Variants in GNG7 observed in about 807,000 individuals in gnomAD.
GNG7 encodes the protein guanine nucleotide-binding protein G(I)/G(S)/G(O) subunit gamma-7.
Under a neutral mutation model 4.0 loss-of-function variants are expected in GNG7, and 1 was observed. That is an observed-to-expected ratio of 0.25 (90% confidence interval 0.09 to 1.18). The LOEUF is 1.18. Among genes scored for constraint, GNG7 ranks in the 50% most tolerant of loss-of-function variants. The pLI is 0.50. For missense variants in GNG7, 86 were observed against 91.9 expected, an observed-to-expected ratio of 0.94 and a Z score of 0.26; for synonymous variants, 34 against 36.9, an observed-to-expected ratio of 0.92 and a Z score of 0.29.
chr19:2,586,151 CT>C (rs1225956001), intron 2 of GNG7, among the ~76,000 whole-genome samples: 1 of 152,198 alleles, frequency 6.6e-6, no homozygotes, highest in Non-Finnish European at 1.5e-5. Flanking sequence ...CCTTTGTAGA[CT>C]TGTGGAACCG....
At chr19:2,525,507 T>G (rs565620908) in intron 3 of GNG7, among the ~76,000 whole-genome samples, 32 of 151,986 alleles carry the variant, frequency 2.1e-4, no homozygotes, top group Middle Eastern at 3.4e-3. Flanking sequence ...CTCCAGGACA[T>G]AGTGGAAATC....
intron 2 of GNG7, among the ~76,000 whole-genome samples, chr19:2,568,356 CGTGCACATACACACAT>C (rs1568246964): frequency 6.7e-6 from 1 of 150,070 alleles, no homozygotes; most frequent in Non-Finnish European, 1.5e-5. Flanking sequence ...CATACACACA[CGTGCACATACACACAT>C]ATAGACACAC....
At chr19:2,690,482 G>C (rs1019397204) in intron 1 of GNG7, among the ~76,000 whole-genome samples, 3 of 152,216 alleles carry the variant, frequency 2.0e-5, no homozygotes, top group Admixed American at 2.0e-4. Flanking sequence ...AAGGGCGGTG[G>C]TTACTGACTC....
At chr19:2,654,126 A>C (rs1162129572) in intron 1 of GNG7, among the ~76,000 whole-genome samples, 1 of 151,462 alleles carries the variant, frequency 6.6e-6, no homozygotes, top group Non-Finnish European at 1.5e-5. Context: ...ATGCAGAGGA[A>C]GGTCTTTATT....
intron 1 of GNG7, among the ~76,000 whole-genome samples, chr19:2,654,032 G>C (rs1003355339): frequency 5.3e-5 from 8 of 152,294 alleles, no homozygotes; most frequent in African/African-American, 1.9e-4. Flanking sequence ...CTCCCATTCA[G>C]ACCCTCGCTG....
chr19:2,568,166 T>A (rs374658822), intron 2 of GNG7, among the ~76,000 whole-genome samples: 1 of 133,592 alleles, frequency 7.5e-6, no homozygotes, highest in African/African-American at 3.0e-5. Context: ...TACACATACA[T>A]ACACACACAT....
At chr19:2,588,207 A>G (rs1980733556) in intron 2 of GNG7, among the ~76,000 whole-genome samples, 1 of 152,068 alleles carries the variant, frequency 6.6e-6, no homozygotes, top group African/African-American at 2.4e-5. Flanking sequence ...AGCACAAACT[A>G]TTTTCCTAAG....
intron 3 of GNG7, among the ~76,000 whole-genome samples, chr19:2,552,728 G>T (rs1215651472): frequency 6.6e-6 from 1 of 151,368 alleles, no homozygotes; most frequent in Non-Finnish European, 1.5e-5. Context: ...GGCTCCCAGT[G>T]ATCCCACATT....
At chr19:2,656,029 C>CAAAAAAA (rs55687607) in intron 1 of GNG7, among the ~76,000 whole-genome samples, 2 of 98,084 alleles carry the variant, frequency 2.0e-5, no homozygotes, top group Non-Finnish European at 4.2e-5. Flanking sequence ...CGATTCAAAA[C>CAAAAAAA]AAAAAAAAAA....
At chr19:2,577,565 G>A (rs1194743701) in intron 2 of GNG7, among the ~76,000 whole-genome samples, 1 of 152,044 alleles carries the variant, frequency 6.6e-6, no homozygotes, top group Non-Finnish European at 1.5e-5. Context: ...GGTGGGCGTG[G>A]TGGCTCACGC....
rs144692224 is a variant in GNG7, at chr19:2,642,914, C to T, written c.-78+3310G>A. ...CCTTCCCGCCCTGCACCATGTGCAC[C>T]GGAAATGCAGGAGACCTCTCCGGGC... On this transcript the variant is annotated intron_variant, in intron 2 of 4. Transcript: ENST00000382159. The T allele has an allele frequency of 2.7e-3, 1,237 of 453,352 alleles. 14 individuals are homozygous for T. Among genetic ancestry groups the T allele is most frequent in the South Asian group, 0.011 (735 of 64,172 alleles). The allele number at this position is 453,352 out of a possible 1,614,324, so 28.1% of individuals were successfully genotyped here. A position where few individuals can be genotyped will look rare whatever the true frequency, so the allele number is the denominator to read the frequency against.
intron 3 of GNG7, among the ~76,000 whole-genome samples, chr19:2,547,631 G>A (rs1032717713): frequency 1.3e-5 from 2 of 152,200 alleles, no homozygotes; most frequent in African/African-American, 4.8e-5. Flanking sequence ...CAGGGATTAG[G>A]ACATGGATGT....
At chr19:2,696,343 AAAGAAAAGAAAGAAAAG>A (rs1265157795) in intron 1 of GNG7, among the ~76,000 whole-genome samples, 455 of 142,932 alleles carry the variant, frequency 3.2e-3, no homozygotes, top group African/African-American at 0.012. Context: ...AGAAAGAAAG[AAAGAAAAGAAAGAAAAG>A]AAAGAAAGAA....
intron 2 of GNG7, among the ~76,000 whole-genome samples, chr19:2,585,708 AT>A (rs112757861): frequency 2.0e-5 from 3 of 150,730 alleles, no homozygotes; most frequent in Non-Finnish European, 4.4e-5. Context: ...AAATTCAGTA[AT>A]TTTTTTTTTG....
At chr19:2,538,108 C>CAAA (rs1416196330) in intron 3 of GNG7, 1 of 374,728 alleles carries the variant, frequency 2.7e-6, no homozygotes, top group Non-Finnish European at 5.2e-6. Flanking sequence ...AACAAAACAA[C>CAAA]AATGAATGGA....
At position 2,634,177 on chromosome 19, in the gene GNG7, T is replaced by C. The variant is rs1248700278; in HGVS notation, c.-78+12047A>G. Among the ~76,000 whole-genome samples the C allele has an allele frequency of 6.6e-6, 1 of 151,940 alleles. No individual in the cohort carries two copies. Among genetic ancestry groups the C allele is most frequent in the African/African-American group, 2.4e-5 (1 of 41,344 alleles). On this transcript the variant is annotated intron_variant, in intron 2 of 4. Transcript: ENST00000382159. The surrounding 1 kb of genome is among the most constrained non-coding windows in gnomAD (Gnocchi z 5.3). ...ATGGTGCCTATCATGAGCAGGAAAA[T>C]AACTCGAATTTTTTTCCCCAAAATA...
chr19:2,696,906 C>A (rs1269518666), intron 1 of GNG7, among the ~76,000 whole-genome samples: 2 of 152,254 alleles, frequency 1.3e-5, no homozygotes, highest in African/African-American at 4.8e-5. Context: ...GCTCTGTTGC[C>A]CAGGCTGGAG....
intron 2 of GNG7, among the ~76,000 whole-genome samples, chr19:2,631,555 G>C (rs1267924697): frequency 6.6e-6 from 1 of 152,188 alleles, no homozygotes; most frequent in Non-Finnish European, 1.5e-5. Flanking sequence ...AAGTGGAACA[G>C]AGAACTTGGC....
intron 2 of GNG7, among the ~76,000 whole-genome samples, chr19:2,592,977 A>G (rs1201621723): frequency 7.3e-6 from 1 of 137,258 alleles, no homozygotes; most frequent in Non-Finnish European, 1.5e-5. Context: ...GGAGGGAGGG[A>G]GAGAGGGACG....
Sources: allele counts gnomAD v4.1 joint callset (sites outside exome capture counted in the v4.1 genomes callset), GRCh38; gene constraint gnomAD v4.1.1; non-coding constraint Gnocchi (gnomAD v3.1); transcripts MANE v1.5; gene names NCBI Gene and HGNC (gene_info 2026-07-23, HGNC 2026-07-21).